Variants in AKIRIN2 observed in about 807,000 individuals in gnomAD.
The protein encoded by AKIRIN2 is akirin 2, also known as akirin-2.
Under a neutral mutation model 29.3 loss-of-function variants are expected in AKIRIN2, and 6 were observed. The ratio of observed to expected loss-of-function variants is 0.20; its 90% CI spans 0.11 to 0.40. The LOEUF (loss-of-function observed/expected upper bound fraction) is 0.40, where lower values mean the gene tolerates loss of function less well. Among genes scored for constraint, AKIRIN2 ranks in the 10% least tolerant of loss-of-function variants. AKIRIN2 has a pLI of 1.00. For synonymous variants in AKIRIN2, 128 were observed against 117.5 expected (o/e 1.09, Z -0.58); for missense variants, 210 against 276.1 (o/e 0.76, Z 1.70).
rs1367427628 is a variant in AKIRIN2 at position 87,686,139 on chromosome 6, CG to C, written c.236-4377del. ...CAGAGGCAGGAGAATTGCTTGAACC[CG>C]GGAGGAAGAGGTTGCAGTGAGCTGA... On this transcript the variant is annotated intron_variant, in intron 1 of 4. Transcript: ENST00000257787. Among the ~76,000 whole-genome samples the C allele has an allele frequency of 2.0e-5, 3 of 151,930 alleles. No homozygotes were observed. The East Asian group carries it at 5.8e-4, about 29-fold the overall frequency.
At chr6:87,694,723 C>G (rs1315932778) in intron 1 of AKIRIN2, among the ~76,000 whole-genome samples, 1 of 152,142 alleles carries the variant, frequency 6.6e-6, no homozygotes, top group Non-Finnish European at 1.5e-5. Flanking sequence ...GGAAAAAAAG[C>G]TACACCCCAA....
chr6:87,694,641 T>TA (rs1771329939), intron 1 of AKIRIN2, among the ~76,000 whole-genome samples: 1 of 152,132 alleles, frequency 6.6e-6, no homozygotes, highest in South Asian at 2.1e-4. Context: ...ACAATGTTAA[T>TA]AAAATCACAA....
chr6:87,678,510 T>A (rs1582116616), intron 2 of AKIRIN2, among the ~76,000 whole-genome samples: 1 of 151,464 alleles, frequency 6.6e-6, no homozygotes, highest in African/African-American at 2.4e-5. Flanking sequence ...CTCAAAAAAA[T>A]AAAAACAAAA....
At chr6:87,676,349 C>G (rs980601676) in intron 3 of AKIRIN2, among the ~76,000 whole-genome samples, 1 of 148,740 alleles carries the variant, frequency 6.7e-6, no homozygotes, top group African/African-American at 2.5e-5. Context: ...GCCTGTAGTC[C>G]CAACTACTCG....
At chr6:87,675,660 G>C in intron 4 of AKIRIN2, 53 bp from the exon 5 acceptor site, 1 of 1,602,910 alleles carries the variant, frequency 6.2e-7, no homozygotes, top group Non-Finnish European at 8.5e-7. Context: ...AAATCCAAAC[G>C]AATACTAGAT....
chr6:87,680,772 CTTT>C (rs56332105), intron 2 of AKIRIN2, among the ~76,000 whole-genome samples: 12,859 of 99,330 alleles, frequency 0.13, 702 homozygotes, highest in African/African-American at 0.18. Context: ...CGCCCCCCCC[CTTT>C]TTTTTTTTTT....
chr6:87,692,451 T>C (rs1052428669), intron 1 of AKIRIN2, among the ~76,000 whole-genome samples: 23 of 152,362 alleles, frequency 1.5e-4, no homozygotes, highest in African/African-American at 5.5e-4. Flanking sequence ...GTTCTTAACA[T>C]CTACTACCCT....
chr6:87,683,899 T>G (rs1180450266), intron 1 of AKIRIN2, among the ~76,000 whole-genome samples: 2 of 152,094 alleles, frequency 1.3e-5, no homozygotes, highest in Non-Finnish European at 2.9e-5. Context: ...TGTTCCACCC[T>G]CCTCGGTCTC....
intron 1 of AKIRIN2, among the ~76,000 whole-genome samples, chr6:87,696,057 G>A (rs1390621265): frequency 6.6e-6 from 1 of 152,032 alleles, no homozygotes; most frequent in Non-Finnish European, 1.5e-5. Context: ...GCACATGCCT[G>A]TATCTCCAGG....
intron 1 of AKIRIN2, among the ~76,000 whole-genome samples, chr6:87,699,545 A>G (rs1032764514): frequency 6.6e-6 from 1 of 152,204 alleles, no homozygotes; most frequent in Non-Finnish European, 1.5e-5. Context: ...TCAAAAAAAA[A>G]ACACCTTGAA....
At chr6:87,690,588 A>G (rs1562399682) in intron 1 of AKIRIN2, among the ~76,000 whole-genome samples, 1 of 152,212 alleles carries the variant, frequency 6.6e-6, no homozygotes, top group African/African-American at 2.4e-5. Flanking sequence ...TACACTTTAA[A>G]AAAGGAAATT....
At chr6:87,681,891 A>T (rs1308708680) in intron 1 of AKIRIN2, 128 bp from the exon 2 acceptor site, 1 of 802,020 alleles carries the variant, frequency 1.2e-6, no homozygotes, top group East Asian at 2.9e-5. Context: ...CAGAAAACTG[A>T]CATTTTGGTA....
Position 87,681,692 on chromosome 6 carries a change from G to C in AKIRIN2, c.307C>G (p.Gln103Glu), listed in dbSNP as rs752431667. 6.2e-7 allele frequency: 1 copy of C among 1,612,970 alleles called. No homozygotes were observed. The highest frequency in any genetic ancestry group is 1.1e-5 in the South Asian group (1 of 90,980). ...QKRRHLETSF[Q>E]QTDPCCTSDA... The stretch of plus-strand genomic sequence containing the variant: ...GAAGTACAACACGGATCTGTCTGTT[G>C]GAAACTCGTTTCTAAATGTCTTCTC... The change falls in exon 2 of 5, where the codon CAA becomes GAA. Residue 103 changes from glutamine to glutamate, a missense_variant. Around this residue, in one of 2 missense-constraint regions of AKIRIN2, gnomAD observed 199 missense variants for 236.5 expected, o/e 0.84. Coordinates refer to ENST00000257787, the MANE Select transcript of AKIRIN2 (RefSeq NM_018064.4).
chr6:87,678,940 A>C (rs999686628), intron 2 of AKIRIN2, among the ~76,000 whole-genome samples: 2 of 152,174 alleles, frequency 1.3e-5, no homozygotes, highest in Non-Finnish European at 2.9e-5. Flanking sequence ...GTTCAAGACC[A>C]GCCTGACCAA....
chr6:87,695,609 G>T (rs1771347979), intron 1 of AKIRIN2, among the ~76,000 whole-genome samples: 1 of 152,174 alleles, frequency 6.6e-6, no homozygotes, highest in Admixed American at 6.5e-5. Context: ...AAGGACTACA[G>T]AGACTACAAA....
intron 4 of AKIRIN2, 33 bp from the exon 5 acceptor site, chr6:87,675,640 A>G (rs1448468446): frequency 6.2e-7 from 1 of 1,612,278 alleles, no homozygotes; most frequent in Admixed American, 1.7e-5. Context: ...TTAGTGCAAA[A>G]TACAGGTCAA....
intron 1 of AKIRIN2, among the ~76,000 whole-genome samples, chr6:87,682,153 T>G (rs1771130695): frequency 6.6e-6 from 1 of 152,206 alleles, no homozygotes; most frequent in Admixed American, 6.5e-5. Flanking sequence ...CTTTACTGCC[T>G]TTATGCCTTT....
rs1480756776 is a variant in AKIRIN2 at position 87,701,696 on chromosome 6, G to A, written c.-12C>T. 4.2e-6 allele frequency: 6 copies of A among 1,440,960 alleles called. No individual in the cohort carries two copies. The highest frequency in any genetic ancestry group is 1.5e-5 in the African/African-American group (1 of 66,932). The allele number at this position is 1,440,960 out of a possible 1,614,324, so 89.3% of individuals were successfully genotyped here. The stretch of plus-strand genomic sequence containing the variant: ...GCTCCGCACGCCATGGCCGGGGGCA[G>A]CTGAGGCGCCGGGCTCGGGTGGGGT... On this transcript the variant is annotated 5_prime_UTR_variant, in exon 1 of 5. Transcript: ENST00000257787.
chr6:87,680,206 A>C (rs983858829), intron 2 of AKIRIN2, among the ~76,000 whole-genome samples: 2 of 151,926 alleles, frequency 1.3e-5, no homozygotes, highest in Admixed American at 1.3e-4. Flanking sequence ...GGCCCCCACA[A>C]TGGGCATGGC....
Sources: allele counts gnomAD v4.1 joint callset (sites outside exome capture counted in the v4.1 genomes callset), GRCh38; gene constraint gnomAD v4.1.1; regional missense constraint gnomAD v4.1.1; transcripts MANE v1.5; gene names NCBI Gene and HGNC (gene_info 2026-07-23, HGNC 2026-07-21).